CD96: variants seen among roughly 807,000 people sequenced by gnomAD.
The protein encoded by CD96 is T-cell surface protein tactile.
CD96 carries 70 observed loss-of-function variants against 71.3 expected under a neutral mutation model. The ratio of observed to expected loss-of-function variants is 0.98; its 90% CI spans 0.81 to 1.20. The LOEUF (loss-of-function observed/expected upper bound fraction) is 1.20. Ranked by LOEUF, CD96 falls within the 50% of genes most tolerant of loss-of-function variation. The pLI, the probability that CD96 is intolerant of heterozygous loss-of-function variation, is 0.00. For synonymous variants in CD96, 248 were observed against 233.0 expected (o/e 1.06, Z -0.59); for missense variants, 742 against 677.5 (o/e 1.10, Z -1.06).
chr3:111,624,407 T>C lies in CD96; in HGVS notation c.1321+3T>C, dbSNP rs1221894917. On this transcript the variant is annotated splice_donor_region_variant and intron_variant, in intron 10 of 13. Transcript: ENST00000352690. ...CAGTGGGACAGATACCAAAAAATGT[T>C]AAGTATAATCGTGGGTCCCTTGAGT... 1.2e-5 allele frequency: 19 copies of C among 1,587,174 alleles called. No individual in the cohort carries two copies. Among genetic ancestry groups the C allele is most frequent in the Non-Finnish European group, 1.5e-5 (17 of 1,155,488 alleles).
chr3:111,611,099 G>A (rs376214863), intron 8 of CD96, among the ~76,000 whole-genome samples: 1 of 152,126 alleles, frequency 6.6e-6, no homozygotes, highest in Non-Finnish European at 1.5e-5. Flanking sequence ...TGTTATGTCT[G>A]CACATGACCC....
chr3:111,614,597 C>T (rs1047338871), intron 8 of CD96, among the ~76,000 whole-genome samples: 5 of 152,136 alleles, frequency 3.3e-5, no homozygotes, highest in African/African-American at 9.7e-5. Flanking sequence ...CTTCTTTGTT[C>T]CTCTAGGTGT....
Position 111,649,838 on chromosome 3 carries a change from T to C in CD96, c.*32T>C, listed in dbSNP as rs775882842. On this transcript the variant is annotated 3_prime_UTR_variant, in exon 14 of 14. Coordinates refer to ENST00000352690, the MANE Select transcript of CD96 (RefSeq NM_005816.5). Reference sequence around the variant, plus strand: ...GAGACTTTGCCCCATGGCAGAACTCTGCTGGAATCCTATTGAGAAGGTAGA... The same window carrying C: ...GAGACTTTGCCCCATGGCAGAACTCCGCTGGAATCCTATTGAGAAGGTAGA... 4 of 1,295,372 alleles carry C rather than the reference T, an allele frequency of 3.1e-6. No homozygotes were observed. In the South Asian group the frequency reaches 4.7e-5, roughly 15 times the overall value. 80.2% of individuals were successfully genotyped at this position (1,295,372 alleles called of 1,614,324 possible).
chr3:111,651,411 A>C lies in CD96; in HGVS notation c.*1605A>C, dbSNP rs1253207847. 6.6e-6 allele frequency: 1 copy of C among 152,218 alleles called. No homozygotes were observed. The allele number at this position is 152,218 out of a possible 1,614,324, so 9.4% of individuals were successfully genotyped here. On this transcript the variant is annotated 3_prime_UTR_variant, in exon 14 of 14. Transcript: ENST00000352690. ...TTCACACTCAGGGTCATGCACTTGC[A>C]CAATGTTGAGAATGAGTACCACTCT...
chr3:111,588,403 C>G (rs967440266), intron 5 of CD96, among the ~76,000 whole-genome samples: 2 of 152,210 alleles, frequency 1.3e-5, no homozygotes. Flanking sequence ...GTTCATATTA[C>G]TATTGGCATT....
intron 5 of CD96, among the ~76,000 whole-genome samples, chr3:111,586,928 T>C (rs1255893819): frequency 6.6e-6 from 1 of 152,106 alleles, no homozygotes; most frequent in South Asian, 2.1e-4. Context: ...CCCCAAAGTC[T>C]TAACTCATTG....
intron 10 of CD96, among the ~76,000 whole-genome samples, chr3:111,632,257 C>G (rs576655312): frequency 2.0e-5 from 3 of 151,976 alleles, no homozygotes; most frequent in Non-Finnish European, 4.4e-5. Flanking sequence ...CTATAAATAC[C>G]TTAAACTAAT....
Position 111,607,081 on chromosome 3 carries a change from T to G in CD96, c.1180+289T>G, listed in dbSNP as rs148962593. 1.1e-3 allele frequency: 484 copies of G among 442,104 alleles called. 2 individuals carry two copies. Among genetic ancestry groups the G allele is most frequent in the African/African-American group, 8.2e-3 (412 of 50,190 alleles). 27.4% of individuals were successfully genotyped at this position (442,104 alleles called of 1,614,324 possible). A position where few individuals can be genotyped will look rare whatever the true frequency, so the allele number is the denominator to read the frequency against. ...TCTAATAAAGAAACTCCTAAACATA[T>G]TAAAGTATCATTCTCATGGCTTCAA... On this transcript the variant is annotated intron_variant, in intron 8 of 13. Transcript: ENST00000352690.
At position 111,571,029 on chromosome 3, in the gene CD96, G is replaced by C. The variant is rs899998318; in HGVS notation, c.543+3382G>C. 3 of 1,346,942 alleles carry C rather than the reference G, an allele frequency of 2.2e-6. No homozygotes were observed. The Admixed American group carries it at 5.1e-5, about 23-fold the overall frequency. 83.4% of individuals were successfully genotyped at this position (1,346,942 alleles called of 1,614,324 possible). A position where few individuals can be genotyped will look rare whatever the true frequency, so the allele number is the denominator to read the frequency against. Reference sequence around the variant, plus strand: ...CTCCAGCTTCTCTTTTGGGGTCAGCGGCTTGTAGGAGGGAGGTCCCTCCAG... The same window carrying C: ...CTCCAGCTTCTCTTTTGGGGTCAGCCGCTTGTAGGAGGGAGGTCCCTCCAG... On this transcript the variant is annotated intron_variant, in intron 3 of 13. Coordinates refer to ENST00000352690, the MANE Select transcript of CD96 (RefSeq NM_005816.5).
chr3:111,637,895 G>T (rs374478027), intron 11 of CD96, among the ~76,000 whole-genome samples, 184 bp from the exon 12 acceptor site: 5 of 150,644 alleles, frequency 3.3e-5, no homozygotes, highest in African/African-American at 9.8e-5. Context: ...GCAATTGTTA[G>T]ACAAATCTCA....
intron 3 of CD96, chr3:111,570,821 G>A: frequency 6.2e-7 from 1 of 1,613,384 alleles, no homozygotes; most frequent in Non-Finnish European, 8.5e-7. Context: ...GCACCGGGAT[G>A]GGGGACCCCA....
chr3:111,600,428 A>G (rs141352512), intron 6 of CD96, among the ~76,000 whole-genome samples: 23 of 152,356 alleles, frequency 1.5e-4, no homozygotes, highest in African/African-American at 5.3e-4. Flanking sequence ...TCAACACACA[A>G]TGCTGATGAG....
intron 10 of CD96, chr3:111,635,180 AT>A (rs1226932979): frequency 6.5e-6 from 1 of 153,062 alleles, no homozygotes. Flanking sequence ...CTGAAAGGCT[AT>A]TTTTTATAAT....
In CD96 at chr3:111,624,319, ATTTTGTC is replaced by A; in HGVS notation, c.1250-10_1250-4del. ...CGAAAAAAGCTGGATTCTGAAAATA[ATTTTGTC>A]TTTCAGCCAGCAATTCCAGTATGAC... On this transcript the variant is annotated splice_region_variant and splice_polypyrimidine_tract_variant and intron_variant, in intron 9 of 13. Coordinates refer to ENST00000352690, the MANE Select transcript of CD96 (RefSeq NM_005816.5). 6.3e-7 allele frequency: 1 copy of A among 1,587,032 alleles called. No individual in the cohort carries two copies. The highest frequency in any genetic ancestry group is 1.3e-5 in the African/African-American group (1 of 74,458).
chr3:111,562,528 C>T (rs1003034211), intron 2 of CD96, among the ~76,000 whole-genome samples: 2 of 68,774 alleles, frequency 2.9e-5, no homozygotes, highest in Non-Finnish European at 6.3e-5. Flanking sequence ...CCATTGATCT[C>T]TCTTCTCGAT....
chr3:111,595,561 C>T (rs1449321992), intron 5 of CD96: 1 of 152,046 alleles, frequency 6.6e-6, no homozygotes, highest in African/African-American at 2.4e-5. Context: ...TGGCATATGT[C>T]ATGCAGCAAA....
At chr3:111,546,919 T>TACACACACACACACAC (rs60838213) in intron 2 of CD96, among the ~76,000 whole-genome samples, 3,531 of 138,108 alleles carry the variant, frequency 0.026, 125 homozygotes, top group African/African-American at 0.041. Flanking sequence ...CACAGACACA[T>TACACACACACACACAC]ACACACACAC....
intron 2 of CD96, among the ~76,000 whole-genome samples, chr3:111,549,480 A>G (rs775001280): frequency 1.6e-4 from 24 of 152,154 alleles, no homozygotes; most frequent in Non-Finnish European, 3.1e-4. Flanking sequence ...TTGCATTTCA[A>G]AAATGCATCT....
At chr3:111,552,458 C>T (rs1424780372) in intron 2 of CD96, among the ~76,000 whole-genome samples, 1 of 152,086 alleles carries the variant, frequency 6.6e-6, no homozygotes. Flanking sequence ...CTGAGATAAA[C>T]AAATATGTCT....
Sources: allele counts gnomAD v4.1 joint callset (sites outside exome capture counted in the v4.1 genomes callset), GRCh38; gene constraint gnomAD v4.1.1; transcripts MANE v1.5; gene names NCBI Gene and HGNC (gene_info 2026-07-23, HGNC 2026-07-21).